EXOC4: variants seen among roughly 807,000 people sequenced by gnomAD.
EXOC4 encodes the protein SEC8-like 1.
A neutral mutation model predicts 107.2 loss-of-function variants in EXOC4; 71 were observed. The observed-to-expected ratio is 0.66, with a 90% confidence interval of 0.55 to 0.81. The LOEUF is 0.81. Among genes scored for constraint, EXOC4 ranks in the 30% least tolerant of loss-of-function variants. EXOC4 has a pLI of 0.00. For missense variants in EXOC4, 1,108 were observed against 1,189.6 expected (o/e 0.93, Z 1.01); for synonymous variants, 456 against 441.2 (o/e 1.03, Z -0.42).
At chr7:133,738,235 T>C (rs1416639742) in intron 10 of EXOC4, among the ~76,000 whole-genome samples, 1 of 152,058 alleles carries the variant, frequency 6.6e-6, no homozygotes, top group East Asian at 1.9e-4. Context: ...TAAATCCAAA[T>C]TGTCCTCCTG....
At chr7:133,706,808 A>G (rs1424564177) in intron 10 of EXOC4, among the ~76,000 whole-genome samples, 1 of 152,148 alleles carries the variant, frequency 6.6e-6, no homozygotes, top group Non-Finnish European at 1.5e-5. Flanking sequence ...TGGAGAGGGA[A>G]GAGTACCTGT....
intron 5 of EXOC4, among the ~76,000 whole-genome samples, chr7:133,354,992 T>G (rs1016845562): frequency 6.6e-6 from 1 of 152,162 alleles, no homozygotes; most frequent in African/African-American, 2.4e-5. Context: ...TAAGAGCGTT[T>G]TATAAGCTGG....
intron 14 of EXOC4, among the ~76,000 whole-genome samples, chr7:133,984,959 C>A (rs770483712): frequency 2.0e-5 from 3 of 152,112 alleles, no homozygotes; most frequent in Non-Finnish European, 2.9e-5. Flanking sequence ...GAGATGAAAA[C>A]GTCTCTTAAG....
chr7:133,845,387 A>G (rs1798105300), intron 11 of EXOC4, among the ~76,000 whole-genome samples: 1 of 147,052 alleles, frequency 6.8e-6, no homozygotes, highest in African/African-American at 2.5e-5. Context: ...AATATTATAT[A>G]TAATATACAT....
At chr7:133,449,928 C>T (rs1245348892) in intron 7 of EXOC4, among the ~76,000 whole-genome samples, 4 of 152,044 alleles carry the variant, frequency 2.6e-5, no homozygotes, top group Non-Finnish European at 5.9e-5. Flanking sequence ...TATGGAATAT[C>T]AATTGTTAGT....
chr7:133,356,353 A>G lies in EXOC4; in HGVS notation c.787A>G (p.Ile263Val), dbSNP rs1371474931. 1 of 1,614,080 alleles carries G rather than the reference A, an allele frequency of 6.2e-7. No homozygotes were observed. Among genetic ancestry groups the G allele is most frequent in the Non-Finnish European group, 8.5e-7 (1 of 1,179,946 alleles). Residue 263 changes from isoleucine (I) to valine (V), a missense_variant, in exon 6 of 18, where the codon ATC (isoleucine) becomes GTC (valine). Transcript: ENST00000253861. ...SSVREINLQD[I>V]KEDLELDPEE... Reference sequence around the variant, plus strand: ...AGTGAGGGAGATAAATCTGCAGGACATCAAGGAAGATTTAGAATTGGATCC... The same window carrying G: ...AGTGAGGGAGATAAATCTGCAGGACGTCAAGGAAGATTTAGAATTGGATCC...
chr7:133,511,648 C>T (rs1050766105), intron 9 of EXOC4, among the ~76,000 whole-genome samples: 2 of 152,160 alleles, frequency 1.3e-5, no homozygotes, highest in Non-Finnish European at 2.9e-5. Context: ...TATTCTGGTT[C>T]CCTTAAGTAT....
chr7:134,070,427 C>G (rs559306530), downstream of EXOC4, among the ~76,000 whole-genome samples: 1 of 152,302 alleles, frequency 6.6e-6, no homozygotes, highest in South Asian at 2.1e-4. Flanking sequence ...ACAACTAATC[C>G]TATTCCAACT....
intron 10 of EXOC4, among the ~76,000 whole-genome samples, chr7:133,701,076 A>G (rs1330577839): frequency 3.3e-5 from 5 of 152,240 alleles, no homozygotes; most frequent in Admixed American, 6.5e-5. Context: ...TATGTTAATG[A>G]AAATAAACAT....
At chr7:133,967,295 TG>T (rs1353753997) in intron 14 of EXOC4, among the ~76,000 whole-genome samples, 6 of 149,176 alleles carry the variant, frequency 4.0e-5, no homozygotes, top group East Asian at 2.0e-4. Context: ...ATTTTTTTTT[TG>T]AAGTGTTTTT....
At chr7:133,795,817 A>G (rs1232808859) in intron 10 of EXOC4, among the ~76,000 whole-genome samples, 1 of 152,176 alleles carries the variant, frequency 6.6e-6, no homozygotes, top group Non-Finnish European at 1.5e-5. Context: ...CTCTAGTTAT[A>G]TTTGGGGGTA....
chr7:133,959,893 C>T lies in EXOC4; in HGVS notation c.2206+21824C>T, dbSNP rs146953740. 2.2e-3 allele frequency among the ~76,000 whole-genome samples: 329 copies of T among 152,232 alleles called. 2 individuals are homozygous for T. Among genetic ancestry groups the T allele is most frequent in the African/African-American group, 6.9e-3 (285 of 41,550 alleles). On this transcript the variant is annotated intron_variant, in intron 14 of 17. Coordinates refer to ENST00000253861, the MANE Select transcript of EXOC4 (RefSeq NM_021807.4). ...ACCAGTTCCATGTAAGGGAAGAATACGGACGTTTTCAGACATACAAGTTCT... is the reference window on the plus strand; with the variant it reads ...ACCAGTTCCATGTAAGGGAAGAATATGGACGTTTTCAGACATACAAGTTCT...
In EXOC4 at chr7:133,997,633, G is replaced by A; in HGVS notation, c.2348G>A (p.Arg783Lys). ...TTGCTTGTCTTACATCTGGAAGTGAGGTATGATACAGCCAAGCCCAGGACC... is the reference window on the plus strand; with the variant it reads ...TTGCTTGTCTTACATCTGGAAGTGAAGTATGATACAGCCAAGCCCAGGACC... Reference protein sequence around the residue: ...RCLLVLHLEVRVHCFHYLIPL... With the variant: ...RCLLVLHLEVKVHCFHYLIPL... The change falls in exon 15 of 18, where the codon AGG becomes AAG. Residue 783 changes from arginine (R) to lysine (K), a missense_variant and splice_region_variant. Physicochemically the swap from Arg to Lys is conservative, Grantham distance 26. Coordinates refer to ENST00000253861, the MANE Select transcript of EXOC4 (RefSeq NM_021807.4). The A allele has an allele frequency of 6.2e-7, 1 of 1,612,712 alleles. No homozygotes were observed. Among genetic ancestry groups the A allele is most frequent in the Non-Finnish European group, 8.5e-7 (1 of 1,179,350 alleles).
At chr7:133,780,040 G>A (rs1257850981) in intron 10 of EXOC4, among the ~76,000 whole-genome samples, 2 of 152,156 alleles carry the variant, frequency 1.3e-5, no homozygotes, top group Non-Finnish European at 2.9e-5. Flanking sequence ...CACCCTGATG[G>A]TGTGCTGGCG....
At chr7:134,078,527 T>C in the EXOC4 span, among the ~76,000 whole-genome samples, 1 of 152,104 alleles carries the variant, frequency 6.6e-6, no homozygotes, top group African/African-American at 2.4e-5. Context: ...GCAGTAAGTG[T>C]TTACCCTCTA....
intron 10 of EXOC4, among the ~76,000 whole-genome samples, chr7:133,642,069 A>G (rs1214447682): frequency 6.6e-6 from 1 of 152,180 alleles, no homozygotes; most frequent in Non-Finnish European, 1.5e-5. Flanking sequence ...TAAAAATGCA[A>G]CTTCAACATT....
At chr7:133,452,782 T>C (rs1445314833) in intron 7 of EXOC4, among the ~76,000 whole-genome samples, 1 of 152,058 alleles carries the variant, frequency 6.6e-6, no homozygotes, top group Non-Finnish European at 1.5e-5. Context: ...TGTAAACTAC[T>C]CAGCTTTGTG....
chr7:133,639,466 T>C (rs901320609), intron 10 of EXOC4, among the ~76,000 whole-genome samples: 2 of 152,174 alleles, frequency 1.3e-5, no homozygotes, highest in Non-Finnish European at 2.9e-5. Context: ...ATGAAATCTT[T>C]TTTATTTTCC....
chr7:134,038,685 C>T lies in EXOC4; in HGVS notation c.2688-25606C>T, dbSNP rs570226286. Reference sequence around the variant, plus strand: ...CCTTATGTTCCTTCGCTATCCTCCACGGCCCCATGCCCTCATCTTCCCAGA... The same window carrying T: ...CCTTATGTTCCTTCGCTATCCTCCATGGCCCCATGCCCTCATCTTCCCAGA... On this transcript the variant is annotated intron_variant, in intron 17 of 17. Transcript: ENST00000253861. Among the ~76,000 whole-genome samples the T allele has an allele frequency of 3.9e-5, 6 of 152,306 alleles. No individual in the cohort carries two copies. In the East Asian group the frequency reaches 5.8e-4, roughly 15 times the overall value.
Sources: allele counts gnomAD v4.1 joint callset (sites outside exome capture counted in the v4.1 genomes callset), GRCh38; gene constraint gnomAD v4.1.1; transcripts MANE v1.5; gene names NCBI Gene and HGNC (gene_info 2026-07-23, HGNC 2026-07-21).